MAML2: variants seen among roughly 807,000 people sequenced by gnomAD.
The protein encoded by MAML2 is mastermind-like protein 2.
A neutral mutation model predicts 96.1 loss-of-function variants in MAML2; 22 were observed. The observed-to-expected ratio is 0.23, with a 90% CI of 0.16 to 0.33. The LOEUF (loss-of-function observed/expected upper bound fraction) is 0.33. MAML2 is among the 10% of genes least tolerant of loss of function. MAML2 has a pLI of 1.00. For missense variants in MAML2, 1,367 were observed against 1,392.4 expected (o/e 0.98, Z 0.29); for synonymous variants, 561 against 521.3 (o/e 1.08, Z -1.04).
At chr11:96,121,530 T>C (rs1484438904) in intron 1 of MAML2, among the ~76,000 whole-genome samples, 1 of 152,072 alleles carries the variant, frequency 6.6e-6, no homozygotes, top group Non-Finnish European at 1.5e-5. Context: ...AGAAGCACCA[T>C]ATTATTTTTG....
chr11:96,331,925 T>C (rs888750737), intron 1 of MAML2, among the ~76,000 whole-genome samples: 1 of 152,140 alleles, frequency 6.6e-6, no homozygotes, highest in Non-Finnish European at 1.5e-5. Context: ...TAGTGTCCTA[T>C]TTTTAGACTA....
intron 1 of MAML2, among the ~76,000 whole-genome samples, chr11:96,218,195 A>T (rs79476997): frequency 6.6e-6 from 1 of 152,250 alleles, no homozygotes; most frequent in East Asian, 1.9e-4. Flanking sequence ...TTTCCACAGC[A>T]GTGTCAGTGA....
chr11:96,335,022 C>G (rs1022307554), intron 1 of MAML2, among the ~76,000 whole-genome samples: 10 of 152,284 alleles, frequency 6.6e-5, no homozygotes, highest in Admixed American at 2.6e-4. Flanking sequence ...GTCAATAGCC[C>G]ATTCACTACC....
chr11:96,291,661 C>T (rs1591117032), intron 1 of MAML2, among the ~76,000 whole-genome samples: 1 of 152,184 alleles, frequency 6.6e-6, no homozygotes, highest in Non-Finnish European at 1.5e-5. Flanking sequence ...TTTATACTTG[C>T]CTTATTTCTC....
chr11:96,193,396 G>A (rs1861684819), intron 1 of MAML2, among the ~76,000 whole-genome samples: 1 of 152,114 alleles, frequency 6.6e-6, no homozygotes, highest in Admixed American at 6.5e-5. Context: ...ATGTGTCTGG[G>A]GAATAGAAAT....
chr11:96,259,593 T>C (rs1862720000), intron 1 of MAML2, among the ~76,000 whole-genome samples: 1 of 152,200 alleles, frequency 6.6e-6, no homozygotes, highest in Admixed American at 6.5e-5. Context: ...CAAAATCCAT[T>C]GTATGCAATA....
chr11:96,169,939 C>T (rs1366024626), intron 1 of MAML2, among the ~76,000 whole-genome samples: 1 of 152,258 alleles, frequency 6.6e-6, no homozygotes, highest in Non-Finnish European at 1.5e-5. Context: ...AGGCGTGGGC[C>T]ACCGTGCCCG....
chr11:96,244,549 C>G (rs747618996), intron 1 of MAML2, among the ~76,000 whole-genome samples: 26 of 152,096 alleles, frequency 1.7e-4, no homozygotes, highest in Non-Finnish European at 2.9e-4. Flanking sequence ...CCATATATAT[C>G]GATTATTGTT....
At chr11:95,996,007 T>C (rs1021006729) in intron 2 of MAML2, among the ~76,000 whole-genome samples, 1 of 152,200 alleles carries the variant, frequency 6.6e-6, no homozygotes, top group African/African-American at 2.4e-5. Context: ...GGCATACATT[T>C]ACCTATGTAA....
intron 1 of MAML2, among the ~76,000 whole-genome samples, chr11:96,112,554 T>C (rs1400502725): frequency 6.6e-6 from 1 of 152,268 alleles, no homozygotes; most frequent in African/African-American, 2.4e-5. Context: ...GAAGATCATT[T>C]CAGTCTACGA....
At chr11:96,312,219 C>CAAAAAAG (rs1863551658) in intron 1 of MAML2, among the ~76,000 whole-genome samples, 1 of 51,554 alleles carries the variant, frequency 1.9e-5, no homozygotes, top group Non-Finnish European at 3.2e-5. Context: ...GACTCTATCT[C>CAAAAAAG]AAAAAAAAAA....
chr11:96,253,338 T>G (rs1297508325), intron 1 of MAML2, among the ~76,000 whole-genome samples: 1 of 152,178 alleles, frequency 6.6e-6, no homozygotes, highest in African/African-American at 2.4e-5. Flanking sequence ...AACATGACAA[T>G]GCCAAGGAAT....
chr11:95,982,158 A>G (rs601972), intron 4 of MAML2, among the ~76,000 whole-genome samples: 131,613 of 152,208 alleles, frequency 0.86, 57,277 homozygotes, highest in African/African-American at 0.97. Context: ...GACATGGGAA[A>G]CGCAATGCTC....
In MAML2 at chr11:96,223,990, T is replaced by A. The variant is rs552742971; in HGVS notation, c.513+117393A>T. On this transcript the variant is annotated intron_variant, in intron 1 of 4. Coordinates refer to ENST00000524717, the MANE Select transcript of MAML2 (RefSeq NM_032427.4). ...TGATTTAATATGCTCCCATATTTTATGCATAAGGGAAAAGAGAGATACATT... is the reference window on the plus strand; with the variant it reads ...TGATTTAATATGCTCCCATATTTTAAGCATAAGGGAAAAGAGAGATACATT... 2.0e-5 allele frequency among the ~76,000 whole-genome samples: 3 copies of A among 152,354 alleles called. No individual in the cohort carries two copies. In the South Asian group the frequency reaches 6.2e-4, roughly 32 times the overall value.
chr11:96,175,030 A>G (rs1284086727), intron 1 of MAML2, among the ~76,000 whole-genome samples: 2 of 152,234 alleles, frequency 1.3e-5, no homozygotes, highest in Non-Finnish European at 2.9e-5. Flanking sequence ...AGCATGTTAC[A>G]CAAGCAACGT....
chr11:96,143,678 C>T (rs1359125167), intron 1 of MAML2, among the ~76,000 whole-genome samples: 1 of 152,116 alleles, frequency 6.6e-6, no homozygotes, highest in African/African-American at 2.4e-5. Context: ...AACATTAATT[C>T]CTTGCACATA....
intron 1 of MAML2, among the ~76,000 whole-genome samples, chr11:96,196,211 G>T (rs969957930): frequency 6.6e-6 from 1 of 152,114 alleles, no homozygotes; most frequent in African/African-American, 2.4e-5. Context: ...CAAAATGGAG[G>T]ATACAATGAG....
In MAML2 at chr11:96,343,160, G is replaced by A; in HGVS notation, c.-1265C>T. 1 of 391,338 alleles carries A rather than the reference G, an allele frequency of 2.6e-6. No individual in the cohort carries two copies. The highest frequency in any genetic ancestry group is 4.5e-6 in the Non-Finnish European group (1 of 221,732). The allele number at this position is 391,338 out of a possible 1,614,324, so 24.2% of individuals were successfully genotyped here. ...TCACGGCGATACACAGGCTTTCATTGTGCTCCGATAGGAGAGGGAGAGAAA... is the reference window on the plus strand; with the variant it reads ...TCACGGCGATACACAGGCTTTCATTATGCTCCGATAGGAGAGGGAGAGAAA... On this transcript the variant is annotated 5_prime_UTR_variant, in exon 1 of 5. Coordinates refer to ENST00000524717, the MANE Select transcript of MAML2 (RefSeq NM_032427.4).
chr11:96,301,188 C>T (rs1290409046), intron 1 of MAML2, among the ~76,000 whole-genome samples: 3 of 152,208 alleles, frequency 2.0e-5, no homozygotes, highest in Non-Finnish European at 1.5e-5. Context: ...TATACACATA[C>T]ACCCACATAC....
Sources: allele counts gnomAD v4.1 joint callset (sites outside exome capture counted in the v4.1 genomes callset), GRCh38; gene constraint gnomAD v4.1.1; transcripts MANE v1.5; gene names NCBI Gene and HGNC (gene_info 2026-07-23, HGNC 2026-07-21).